Variants in SLC39A4 observed in about 807,000 individuals in gnomAD.
SLC39A4 encodes zinc transporter ZIP4.
Under a neutral mutation model 56.6 loss-of-function variants are expected in SLC39A4, and 49 were observed. The ratio of observed to expected loss-of-function variants is 0.87; its 90% CI spans 0.69 to 1.10. The LOEUF is 1.10. Among genes scored for constraint, SLC39A4 ranks in the 50% least tolerant of loss-of-function variants. The pLI, the probability that SLC39A4 is intolerant of heterozygous loss-of-function variation, is 0.00. For missense variants in SLC39A4, 993 were observed against 864.2 expected, an observed-to-expected ratio of 1.15 and a Z score of -1.87; for synonymous variants, 540 against 420.4, an observed-to-expected ratio of 1.28 and a Z score of -3.48.
At position 144,414,220 on chromosome 8, in the gene SLC39A4, TG is replaced by T. The variant is rs565825612; in HGVS notation, c.1149+41del. ...GAGGGCACGGCCTGGGAGTCCATGG[TG>T]GGGAACGGAGGGCCAGGGTCGCGGG... On this transcript the variant is annotated intron_variant, in intron 6 of 11. Transcript: ENST00000301305. 29 of 1,596,538 alleles carry T rather than the reference TG, an allele frequency of 1.8e-5. No individual in the cohort carries two copies. The South Asian group carries it at 3.3e-4, about 18-fold the overall frequency.
Position 144,415,905 on chromosome 8 carries a change from G to C in SLC39A4, c.379C>G (p.Leu127Val), listed in dbSNP as rs1370844686. ...GLWASHADHL[L>V]ALLESPKALT... Reference sequence around the variant, plus strand: ...GCCTTGGGGCTCTCGAGCAGGGCCAGGAGGTGGTCTGCATGAGAGGCCCAG... The same window carrying C: ...GCCTTGGGGCTCTCGAGCAGGGCCACGAGGTGGTCTGCATGAGAGGCCCAG... Residue 127 changes from leucine (L) to valine (V), a missense_variant, in exon 2 of 12, where the codon CTG becomes GTG. Coordinates refer to ENST00000301305, the MANE Select transcript of SLC39A4 (RefSeq NM_130849.4). 2.5e-6 allele frequency: 4 copies of C among 1,596,246 alleles called. No homozygotes were observed. The African/African-American group carries it at 5.3e-5, about 21-fold the overall frequency.
At position 144,413,360 on chromosome 8, in the gene SLC39A4, G is replaced by A. The variant is rs1380060588; in HGVS notation, c.1504C>T (p.Leu502=). The A allele has an allele frequency of 6.2e-7, 1 of 1,608,250 alleles. No homozygotes were observed. Among genetic ancestry groups the A allele is most frequent in the Non-Finnish European group, 8.5e-7 (1 of 1,179,482 alleles). Reference sequence around the variant, plus strand: ...GCGAAGTTGTGCACGGCGTCGCCCAGAGTGATCATATAGGGCAGTAGCCTC... The same window carrying A: ...GCGAAGTTGTGCACGGCGTCGCCCAAAGTGATCATATAGGGCAGTAGCCTC... The part of the protein sequence containing the change: ...ELRLLPYMIT[L]GDAVHNFADG... The change falls in exon 10 of 12, where the codon CTG becomes TTG. Residue 502 remains leucine (L), a synonymous_variant. Coordinates refer to ENST00000301305, the MANE Select transcript of SLC39A4 (RefSeq NM_130849.4).
rs1554873247 is a variant in SLC39A4, at chr8:144,414,811, C to G, written c.890G>C (p.Ser297Thr). 6.2e-7 allele frequency: 1 copy of G among 1,613,168 alleles called. No individual in the cohort carries two copies. The highest frequency in any genetic ancestry group is 2.2e-5 in the East Asian group (1 of 44,880). The change falls in exon 5 of 12, where the codon AGC becomes ACC. Residue 297 changes from serine (S) to threonine (T), a missense_variant. Coordinates refer to ENST00000301305, the MANE Select transcript of SLC39A4 (RefSeq NM_130849.4). ...GVTPEAWAQLSPALLQQQLSG... is the reference protein window; with the variant it reads ...GVTPEAWAQLTPALLQQQLSG... ...CAGCTGCTGTTGGAGCAGGGCAGGG[C>G]TCAGTTGGGCCCAGGCCTCCGGGGT...
chr8:144,416,437 G>A, intron 1 of SLC39A4, 161 bp downstream of exon 1: 1 of 1,451,412 alleles, frequency 6.9e-7, no homozygotes, highest in Non-Finnish European at 9.0e-7. Flanking sequence ...TCATGAGCAG[G>A]AGGGTGGGCT....
rs782762361 is a variant in SLC39A4, at chr8:144,413,767, C to T, written c.1402G>A (p.Gly468Ser). ...ELRQPKPPHE[G>S]SRADLVAEES... ...CCACTCACCAGGTCTGCGCGGGAGCCCTCGTGGGGGGGCTTGGGCTGCCGG... is the reference window on the plus strand; with the variant it reads ...CCACTCACCAGGTCTGCGCGGGAGCTCTCGTGGGGGGGCTTGGGCTGCCGG... Residue 468 changes from glycine (G) to serine (S), a missense_variant, in exon 8 of 12, where the codon GGC (glycine) becomes AGC (serine). Coordinates refer to ENST00000301305, the MANE Select transcript of SLC39A4 (RefSeq NM_130849.4). 4 of 1,541,422 alleles carry T rather than the reference C, an allele frequency of 2.6e-6. No individual in the cohort carries two copies. The East Asian group carries it at 9.6e-5, about 37-fold the overall frequency.
chr8:144,413,998 A>G lies in SLC39A4; in HGVS notation c.1247T>C (p.Phe416Ser). The G allele has an allele frequency of 6.2e-7, 1 of 1,607,982 alleles. No individual in the cohort carries two copies. Among genetic ancestry groups the G allele is most frequent in the Non-Finnish European group, 8.5e-7 (1 of 1,177,400 alleles). The change falls in exon 7 of 12, where the codon TTT (phenylalanine) becomes TCT (serine). Residue 416 changes from phenylalanine to serine, a missense_variant. Transcript: ENST00000301305. ...MLAGLYAFFL[F>S]ENLFNLLLPR... ...CAGCAGGAGATTGAAGAGGTTCTCA[A>G]ACAGGAAGAAGGCGTAGAGCCCGGC...
At position 144,412,963 on chromosome 8, in the gene SLC39A4, A is replaced by G. The variant is rs782445489; in HGVS notation, c.1628-17T>C. 10 of 1,582,718 alleles carry G rather than the reference A, an allele frequency of 6.3e-6. No homozygotes were observed. The African/African-American group carries it at 9.4e-5, about 15-fold the overall frequency. The stretch of plus-strand genomic sequence containing the variant: ...CGAAGTCCCCTGCGGGCGAGTCCAC[A>G]TTAACAGCTCCGCCCTCCTAGCTAC... On this transcript the variant is annotated splice_polypyrimidine_tract_variant and intron_variant, in intron 10 of 11. Transcript: ENST00000301305.
At position 144,415,920 on chromosome 8, in the gene SLC39A4, G is replaced by A. The variant is rs782564213; in HGVS notation, c.364C>T (p.His122Tyr). The A allele has an allele frequency of 5.6e-6, 9 of 1,595,522 alleles. No homozygotes were observed. Among genetic ancestry groups the A allele is most frequent in the South Asian group, 2.3e-5 (2 of 88,806 alleles). ...AGCAGGGCCAGGAGGTGGTCTGCAT[G>A]AGAGGCCCAGAGGCCAGCCCGAGCG... Reference protein sequence around the residue: ...EDARAGLWASHADHLLALLES... With the variant: ...EDARAGLWASYADHLLALLES... Residue 122 changes from histidine (H) to tyrosine (Y), a missense_variant, in exon 2 of 12, where the codon CAT becomes TAT. Transcript: ENST00000301305.
chr8:144,416,058 C>G lies in SLC39A4; in HGVS notation c.226G>C (p.Glu76Gln). 1 of 1,590,316 alleles carries G rather than the reference C, an allele frequency of 6.3e-7. No individual in the cohort carries two copies. Among genetic ancestry groups the G allele is most frequent in the Non-Finnish European group, 8.5e-7 (1 of 1,171,510 alleles). Residue 76 changes from glutamate (E) to glutamine (Q), a missense_variant, in exon 2 of 12, where the codon GAG (glutamate) becomes CAG (glutamine). Physicochemically the swap from Glu to Gln is conservative, Grantham distance 29. Transcript: ENST00000301305. The part of the protein sequence containing the change: ...LSVEDALGLG[E>Q]PEGSGLPPGP... ...GGGGGCAGCCCTGACCCCTCAGGCT[C>G]GCCCAGGCCCAGGGCGTCCTCCACA...
rs1821933469 is a variant in SLC39A4, at chr8:144,412,764, C to G, written c.1810G>C (p.Asp604His). Residue 604 changes from aspartate to histidine, a missense_variant, in exon 11 of 12, where the codon GAC becomes CAC. Transcript: ENST00000301305. ...TGLFLYVALCDMLPAMLKVRD... is the reference protein window; with the variant it reads ...TGLFLYVALCHMLPAMLKVRD... Reference sequence around the variant, plus strand: ...CCTCCCCTCGCCATCCTGACCATGTCGCAGAGTGCTACGTAGAGGAACAGG... The same window carrying G: ...CCTCCCCTCGCCATCCTGACCATGTGGCAGAGTGCTACGTAGAGGAACAGG... The G allele has an allele frequency of 6.2e-7, 1 of 1,613,114 alleles. No individual in the cohort carries two copies. The highest frequency in any genetic ancestry group is 8.5e-7 in the Non-Finnish European group (1 of 1,179,946).
chr8:144,413,139 C>T, intron 10 of SLC39A4, 98 bp downstream of exon 10: 1 of 1,504,260 alleles, frequency 6.6e-7, no homozygotes. Context: ...CCAGGTGCGG[C>T]CCCGCCCATC....
chr8:144,416,079 C>T lies in SLC39A4; in HGVS notation c.205G>A (p.Glu69Lys), dbSNP rs1554873915. Residue 69 changes from glutamate (E) to lysine (K), a missense_variant, in exon 2 of 12, where the codon GAG becomes AAG. Glu to Lys is a moderately conservative substitution (Grantham distance 56). Coordinates refer to ENST00000301305, the MANE Select transcript of SLC39A4 (RefSeq NM_130849.4). Reference protein sequence around the residue: ...NGPCGKCLSVEDALGLGEPEG... With the variant: ...NGPCGKCLSVKDALGLGEPEG... ...GGCTCGCCCAGGCCCAGGGCGTCCT[C>T]CACAGACAGGCACTGTGGGCAGAGA... is the stretch of plus-strand genomic sequence containing the variant. 1 of 1,598,036 alleles carries T rather than the reference C, an allele frequency of 6.3e-7. No homozygotes were observed. The highest frequency in any genetic ancestry group is 8.5e-7 in the Non-Finnish European group (1 of 1,175,720).
At chr8:144,413,667 T>A in intron 8 of SLC39A4, 83 bp downstream of exon 8, 1 of 1,540,184 alleles carries the variant, frequency 6.5e-7, no homozygotes, top group Non-Finnish European at 8.7e-7. Flanking sequence ...GCCGCAGGCC[T>A]GGGGTGGGGC....
At position 144,413,495 on chromosome 8, in the gene SLC39A4, GTCGCCCCCTGGGCTCACC is replaced by G; in HGVS notation, c.1474_1474+17del. Reference sequence around the variant, plus strand: ...CCCCAGATCCCCCAGCCCTTCCGGGGTCGCCCCCTGGGCTCACCTGGGCTCAGTCTCCTGGGCTCAGGG... The same window carrying G: ...CCCCAGATCCCCCAGCCCTTCCGGGGTGGGCTCAGTCTCCTGGGCTCAGGG... On this transcript the variant is annotated splice_donor_variant and splice_donor_5th_base_variant and coding_sequence_variant and intron_variant, in exon 9 of 12. Coordinates refer to ENST00000301305, the MANE Select transcript of SLC39A4 (RefSeq NM_130849.4). LOFTEE classifies it high-confidence loss of function. 6.4e-7 allele frequency: 1 copy of G among 1,558,278 alleles called. No individual in the cohort carries two copies. The highest frequency in any genetic ancestry group is 8.7e-7 in the Non-Finnish European group (1 of 1,151,246).
chr8:144,413,277 G>T lies in SLC39A4; in HGVS notation c.1587C>A (p.Thr529=). The T allele has an allele frequency of 6.3e-7, 1 of 1,597,904 alleles. No homozygotes were observed. The stretch of plus-strand genomic sequence containing the variant: ...ACTCGTGGCAGAACACGGCCAGCGA[G>T]GTGGCCAGCCCGGTCTTCCAGGAGG... ...FASSWKTGLA[T]SLAVFCHELP... Residue 529 remains threonine, a synonymous_variant, in exon 10 of 12, where the codon ACC becomes ACA. Transcript: ENST00000301305.
intron 10 of SLC39A4, 61 bp from the exon 11 acceptor site, chr8:144,413,007 T>G (rs1336781172): frequency 5.9e-6 from 9 of 1,531,040 alleles, no homozygotes; most frequent in Non-Finnish European, 7.9e-6. Context: ...CCCACCTCCT[T>G]TCGGTCCCGC....
chr8:144,413,157 C>A, intron 10 of SLC39A4, 80 bp downstream of exon 10: 1 of 1,486,690 alleles, frequency 6.7e-7, no homozygotes, highest in Non-Finnish European at 9.0e-7. Flanking sequence ...ATCTTCCAGG[C>A]CCCGCCCACC....
At chr8:144,415,563 G>T (rs555727280) in intron 2 of SLC39A4, 144 bp from the exon 3 acceptor site, 3 of 1,174,314 alleles carry the variant, frequency 2.6e-6, no homozygotes, top group East Asian at 2.6e-5. Context: ...CCTCCCTGCC[G>T]GGCCCAGCTG....
At chr8:144,413,929 C>G in intron 7 of SLC39A4, 29 bp downstream of exon 7, 1 of 1,610,410 alleles carries the variant, frequency 6.2e-7, no homozygotes. Flanking sequence ...GCACACCCAC[C>G]CGCCGGGTAC....
Sources: allele counts gnomAD v4.1 joint callset, GRCh38; gene constraint gnomAD v4.1.1; transcripts MANE v1.5; gene names NCBI Gene and HGNC (gene_info 2026-07-23, HGNC 2026-07-21).